The following DLC1 variants were observed in gnomAD, a reference collection of about 807,000 sequenced individuals.
DLC1 encodes DLC1 Rho GTPase activating protein.
A neutral mutation model predicts 140.3 loss-of-function variants in DLC1; 54 were observed. That is an observed-to-expected ratio of 0.38 (90% CI 0.31 to 0.48). DLC1 has a LOEUF of 0.48. Ranked by LOEUF, DLC1 falls within the 20% of genes least tolerant of loss-of-function variation. The pLI is 0.96. For missense variants in DLC1, 2,536 were observed against 1,907.0 expected (o/e 1.33, Z -6.14); for synonymous variants, 986 against 728.1 (o/e 1.35, Z -5.70).
At chr8:13,145,793 T>G (rs1227217403) in intron 5 of DLC1, among the ~76,000 whole-genome samples, 1 of 152,184 alleles carries the variant, frequency 6.6e-6, no homozygotes, top group Non-Finnish European at 1.5e-5. Flanking sequence ...AATTTTCAAT[T>G]TAATAAAATA....
chr8:13,466,246 C>T (rs747530760), intron 2 of DLC1, among the ~76,000 whole-genome samples: 1 of 152,230 alleles, frequency 6.6e-6, no homozygotes, highest in Non-Finnish European at 1.5e-5. Context: ...CTCTTGCTAC[C>T]TACCTGCTCG....
At position 13,435,612 on chromosome 8, in the gene DLC1, C is replaced by T. The variant is rs186342774; in HGVS notation, c.1024-33993G>A. Among the ~76,000 whole-genome samples, 82 of 152,232 alleles carry T rather than the reference C, an allele frequency of 5.4e-4. 1 individual carries two copies. The East Asian group carries it at 0.015, about 28-fold the overall frequency. On this transcript the variant is annotated intron_variant, in intron 2 of 17. Transcript: ENST00000276297. Reference sequence around the variant, plus strand: ...TACAAGAGTGAGCCACTGTGCCCAGCGAGGAGTTGTTTCTTGTGGATAAAC... The same window carrying T: ...TACAAGAGTGAGCCACTGTGCCCAGTGAGGAGTTGTTTCTTGTGGATAAAC...
At chr8:13,108,098 G>T (rs1221133756) in intron 7 of DLC1, among the ~76,000 whole-genome samples, 3 of 151,984 alleles carry the variant, frequency 2.0e-5, no homozygotes, top group Admixed American at 1.3e-4. Context: ...CCCGATAGAG[G>T]TCCCTTTTCT....
intron 2 of DLC1, among the ~76,000 whole-genome samples, chr8:13,446,165 T>C (rs1306197040): frequency 6.6e-6 from 1 of 152,182 alleles, no homozygotes; most frequent in African/African-American, 2.4e-5. Context: ...CTAGATCATA[T>C]AATTTCCAGA....
chr8:13,565,448 T>C (rs2117392268), intron 1 of DLC1, among the ~76,000 whole-genome samples: 1 of 152,330 alleles, frequency 6.6e-6, no homozygotes, highest in African/African-American at 2.4e-5. Flanking sequence ...TGAGCCCTAT[T>C]GGAAATTACT....
chr8:13,248,217 T>C (rs760569599), intron 5 of DLC1, among the ~76,000 whole-genome samples: 3 of 152,216 alleles, frequency 2.0e-5, no homozygotes, highest in Admixed American at 6.5e-5. Flanking sequence ...CTCTGTACCA[T>C]TGACATCATA....
intron 5 of DLC1, among the ~76,000 whole-genome samples, chr8:13,136,142 G>C (rs1232171920): frequency 1.3e-5 from 2 of 152,184 alleles, no homozygotes; most frequent in African/African-American, 4.8e-5. Flanking sequence ...AGGACTTTTA[G>C]AGCAGGCCAC....
In DLC1 at chr8:13,500,075, A is replaced by T; in HGVS notation, c.-4T>A. On this transcript the variant is annotated 5_prime_UTR_variant, in exon 2 of 18. It removes an upstream start codon present in the reference 5' UTR. Transcript: ENST00000276297. ...TCTTTCTGATAGCTACAGACATGTCATCGTAGTTTAACAACAGACAGAGAG... is the reference window on the plus strand; with the variant it reads ...TCTTTCTGATAGCTACAGACATGTCTTCGTAGTTTAACAACAGACAGAGAG... 6.2e-7 allele frequency: 1 copy of T among 1,609,974 alleles called. No homozygotes were observed. Among genetic ancestry groups the T allele is most frequent in the Non-Finnish European group, 8.5e-7 (1 of 1,176,886 alleles).
In DLC1 at chr8:13,526,881, C is replaced by G. The variant is rs569684617; in HGVS notation, c.-125-26685G>C. On this transcript the variant is annotated intron_variant, in intron 1 of 1. Transcript: ENST00000631382. ...GCACATGTATACATATGTAACAAACCTGCACGTTGTGCACATGTACCTTAG... is the reference window on the plus strand; with the variant it reads ...GCACATGTATACATATGTAACAAACGTGCACGTTGTGCACATGTACCTTAG... 5.3e-5 allele frequency among the ~76,000 whole-genome samples: 8 copies of G among 152,244 alleles called. 2 individuals are homozygous for G. Among genetic ancestry groups the G allele is most frequent in the African/African-American group, 1.9e-4 (8 of 41,552 alleles).
chr8:13,117,433 G>C (rs1343492926), intron 5 of DLC1, among the ~76,000 whole-genome samples: 1 of 151,740 alleles, frequency 6.6e-6, no homozygotes, highest in African/African-American at 2.4e-5. Flanking sequence ...AACCTCAATG[G>C]TACTACCACA....
intron 5 of DLC1, among the ~76,000 whole-genome samples, chr8:13,245,938 G>A (rs1421695309): frequency 6.6e-6 from 1 of 152,120 alleles, no homozygotes; most frequent in Non-Finnish European, 1.5e-5. Context: ...CTGACCTCAA[G>A]TGATTCACCC....
chr8:13,541,361 C>G (rs367845578), intron 1 of DLC1, among the ~76,000 whole-genome samples: 6 of 151,998 alleles, frequency 3.9e-5, no homozygotes, highest in Non-Finnish European at 8.8e-5. Context: ...TATTTAATTA[C>G]GTAAGACACT....
At chr8:13,548,130 A>G (rs762793364) in intron 1 of DLC1, among the ~76,000 whole-genome samples, 6 of 152,088 alleles carry the variant, frequency 3.9e-5, no homozygotes, top group Non-Finnish European at 8.8e-5. Flanking sequence ...CCGAGAACAT[A>G]GTAAGAATTT....
At chr8:13,529,983 G>A (rs1803045576) in intron 1 of DLC1, among the ~76,000 whole-genome samples, 1 of 152,182 alleles carries the variant, frequency 6.6e-6, no homozygotes, top group South Asian at 2.1e-4. Flanking sequence ...TCCCTATCCT[G>A]GAAGGAACCA....
chr8:13,152,957 C>T (rs1209118469), intron 5 of DLC1, among the ~76,000 whole-genome samples: 1 of 152,016 alleles, frequency 6.6e-6, no homozygotes, highest in Non-Finnish European at 1.5e-5. Context: ...ACTACTTTGA[C>T]CATAACAGAC....
intron 5 of DLC1, among the ~76,000 whole-genome samples, chr8:13,132,302 C>T (rs1822171863): frequency 6.6e-6 from 1 of 151,438 alleles, no homozygotes; most frequent in Non-Finnish European, 1.5e-5. Flanking sequence ...CAACACTCTC[C>T]AGGTACCTGC....
chr8:13,276,348 C>T (rs1831161507), intron 5 of DLC1: 1 of 1,525,178 alleles, frequency 6.6e-7, no homozygotes, highest in African/African-American at 1.4e-5. Flanking sequence ...AAAGGACCTC[C>T]GGAGAGGGGC....
chr8:13,199,228 A>T (rs1827241941), intron 5 of DLC1, among the ~76,000 whole-genome samples: 1 of 132,614 alleles, frequency 7.5e-6, no homozygotes, highest in African/African-American at 2.9e-5. Context: ...TGTGTTGTCC[A>T]AGGTAGAGTA....
At chr8:13,522,250 C>T (rs1182939012) in intron 1 of DLC1, among the ~76,000 whole-genome samples, 1 of 152,024 alleles carries the variant, frequency 6.6e-6, no homozygotes, top group East Asian at 1.9e-4. Flanking sequence ...TCTGGGATGC[C>T]TCGTTAAATA....
Sources: allele counts gnomAD v4.1 joint callset (sites outside exome capture counted in the v4.1 genomes callset), GRCh38; gene constraint gnomAD v4.1.1; transcripts MANE v1.5; gene names NCBI Gene and HGNC (gene_info 2026-07-23, HGNC 2026-07-21).